The following SYT2 variants were observed in gnomAD, a reference collection of about 807,000 sequenced individuals.
SYT2 encodes the protein synaptotagmin-2.
In SYT2, 15 loss-of-function variants were observed where a neutral mutation model predicts 39.9. The observed-to-expected ratio is 0.38, with a 90% CI of 0.25 to 0.58. The LOEUF (loss-of-function observed/expected upper bound fraction) is 0.58. Among genes scored for constraint, SYT2 ranks in the 20% least tolerant of loss-of-function variants. SYT2 has a pLI of 0.70. For missense variants in SYT2, 389 were observed against 530.3 expected (o/e 0.73, Z 2.62); for synonymous variants, 181 against 204.5 (o/e 0.89, Z 0.98).
chr1:202,635,999 A>G (rs1281708565), intron 1 of SYT2, among the ~76,000 whole-genome samples: 9 of 152,098 alleles, frequency 5.9e-5, no homozygotes, highest in Non-Finnish European at 8.8e-5. Flanking sequence ...TGCACTGTGG[A>G]TAGTCTGGCT....
rs1349497862 is a variant in SYT2, at chr1:202,710,239, G to C, written c.-18+19C>G. The C allele has an allele frequency of 6.6e-6, 1 of 152,488 alleles. No individual in the cohort carries two copies. The highest frequency in any genetic ancestry group is 2.4e-5 in the African/African-American group (1 of 41,598). The allele number at this position is 152,488 out of a possible 1,614,324, so 9.4% of individuals were successfully genotyped here. On this transcript the variant is annotated intron_variant, in intron 1 of 8. Coordinates refer to ENST00000367268, the MANE Select transcript of SYT2 (RefSeq NM_177402.5). ...GGAGAGGGAGGTCCGTGCCCCCACCGGCGGGGGTATGGACTTACCGGAGAG... is the reference window on the plus strand; with the variant it reads ...GGAGAGGGAGGTCCGTGCCCCCACCCGCGGGGGTATGGACTTACCGGAGAG...
At position 202,601,720 on chromosome 1, in the gene SYT2, CAG is replaced by C. The variant is rs1387116780; in HGVS notation, c.801+168_801+169del. Among the ~76,000 whole-genome samples the C allele has an allele frequency of 6.6e-6, 1 of 152,156 alleles. No homozygotes were observed. The highest frequency in any genetic ancestry group is 1.5e-5 in the Non-Finnish European group (1 of 68,030). On this transcript the variant is annotated intron_variant, in intron 6 of 8. Coordinates refer to ENST00000367268, the MANE Select transcript of SYT2 (RefSeq NM_177402.5). This position sits in a 1 kb window ranked among gnomAD's most constrained non-coding sequence, Gnocchi z 4.0. Reference sequence around the variant, plus strand: ...AAGACTAAAGGAGGGAACCCGAGTCCAGAGAGTGTAAGCAACTTGCCCAGGGT... The same window carrying C: ...AAGACTAAAGGAGGGAACCCGAGTCCAGAGTGTAAGCAACTTGCCCAGGGT...
At chr1:202,597,750 A>G (rs1474487800) in intron 8 of SYT2, among the ~76,000 whole-genome samples, 5 of 152,198 alleles carry the variant, frequency 3.3e-5, no homozygotes, top group Admixed American at 2.6e-4. Flanking sequence ...ATGGCAGGGA[A>G]GAGACCCATT....
At chr1:202,617,073 C>G (rs1057393054) in intron 1 of SYT2, among the ~76,000 whole-genome samples, 8 of 152,250 alleles carry the variant, frequency 5.3e-5, no homozygotes, top group African/African-American at 1.9e-4. Context: ...CTCATGCTCT[C>G]CATCCAGCAG....
At chr1:202,635,529 A>AT (rs148651094) in intron 1 of SYT2, among the ~76,000 whole-genome samples, 1,634 of 152,290 alleles carry the variant, frequency 0.011, 26 homozygotes, top group African/African-American at 0.037. Flanking sequence ...CTCACAGTTG[A>AT]TTTTGGGGGT....
chr1:202,672,778 G>GGA (rs758339723), intron 1 of SYT2, among the ~76,000 whole-genome samples: 3 of 25,944 alleles, frequency 1.2e-4, no homozygotes, highest in African/African-American at 2.1e-4. Context: ...AGGGAGGGAG[G>GGA]GAGAGAGAGA....
intron 1 of SYT2, among the ~76,000 whole-genome samples, chr1:202,631,643 G>A (rs1247616716): frequency 6.6e-6 from 1 of 152,150 alleles, no homozygotes; most frequent in Non-Finnish European, 1.5e-5. Context: ...GCCAGAAGAT[G>A]GATGAACCCA....
At chr1:202,683,860 T>C (rs1237367687) in intron 1 of SYT2, among the ~76,000 whole-genome samples, 1 of 152,054 alleles carries the variant, frequency 6.6e-6, no homozygotes, top group Non-Finnish European at 1.5e-5. Flanking sequence ...TCACTAAGGA[T>C]CATTTCCAAC....
At chr1:202,643,384 C>A (rs190689691) in intron 1 of SYT2, 2,091 of 152,964 alleles carry the variant, frequency 0.014, 28 homozygotes, top group East Asian at 0.058. Context: ...CTTCCCACTT[C>A]CCCGCCGGCC....
intron 1 of SYT2, among the ~76,000 whole-genome samples, chr1:202,606,845 A>G (rs1231740124): frequency 6.6e-6 from 1 of 151,768 alleles, no homozygotes; most frequent in Admixed American, 6.6e-5. Context: ...CTATGCTGGT[A>G]TTTTTTCTGA....
chr1:202,661,981 C>G (rs979422256), intron 1 of SYT2, among the ~76,000 whole-genome samples: 1 of 152,206 alleles, frequency 6.6e-6, no homozygotes, highest in African/African-American at 2.4e-5. Flanking sequence ...TGTGGTCACC[C>G]TTGTCCACAA....
At chr1:202,649,976 A>G (rs1692160479) in intron 1 of SYT2, among the ~76,000 whole-genome samples, 2 of 152,304 alleles carry the variant, frequency 1.3e-5, no homozygotes, top group South Asian at 2.1e-4. Context: ...TCCCTGCACA[A>G]AAGTACAGAT....
chr1:202,661,919 T>TCCA (rs1202737188), intron 1 of SYT2, among the ~76,000 whole-genome samples: 4 of 152,128 alleles, frequency 2.6e-5, no homozygotes, highest in Admixed American at 1.3e-4. Context: ...ACTTTGAGAG[T>TCCA]CCACCAGGTA....
intron 1 of SYT2, among the ~76,000 whole-genome samples, chr1:202,702,064 C>T (rs940152157): frequency 1.4e-4 from 22 of 152,172 alleles, no homozygotes; most frequent in Admixed American, 2.0e-4. Context: ...TTGGGGCTCA[C>T]GATCTACTCC....
rs1690685528 is a variant in SYT2 at position 202,605,795 on chromosome 1, G to A, written c.-17-6C>T. 2.5e-6 allele frequency: 4 copies of A among 1,611,856 alleles called. No homozygotes were observed. The highest frequency in any genetic ancestry group is 2.5e-6 in the Non-Finnish European group (3 of 1,178,320). On this transcript the variant is annotated splice_region_variant and splice_polypyrimidine_tract_variant and intron_variant, in intron 1 of 8. Transcript: ENST00000367268. ...CATGGTGGCAGAGGAAACAGCTGGG[G>A]ACGAGAGGTGAAGAGGGCAGGGTGA...
At chr1:202,631,012 G>T (rs1387479416) in intron 1 of SYT2, among the ~76,000 whole-genome samples, 2 of 152,184 alleles carry the variant, frequency 1.3e-5, no homozygotes, top group Non-Finnish European at 2.9e-5. Context: ...CAGCTGCAGG[G>T]CCCAGCCCTG....
intron 4 of SYT2, 36 bp downstream of exon 4, chr1:202,602,963 C>T (rs1411804069): frequency 1.9e-6 from 3 of 1,563,546 alleles, no homozygotes; most frequent in Non-Finnish European, 1.7e-6. Flanking sequence ...GGCCTCTCCC[C>T]ATTCCCCCAC....
rs1355466769 is a variant in SYT2, at chr1:202,628,581, G to A, written c.-17-22792C>T. 3.9e-5 allele frequency among the ~76,000 whole-genome samples: 6 copies of A among 152,198 alleles called. 1 individual carries two copies. The South Asian group carries it at 1.0e-3, about 26-fold the overall frequency. On this transcript the variant is annotated intron_variant, in intron 1 of 8. Coordinates refer to ENST00000367268, the MANE Select transcript of SYT2 (RefSeq NM_177402.5). The surrounding 1 kb of genome is among the most constrained non-coding windows in gnomAD (Gnocchi z 4.2). ...AAAGTGGAGCATGCAAGTCCCGGGG[G>A]CACAATTAGGTGCTCCAAAGAAGCC...
intron 1 of SYT2, among the ~76,000 whole-genome samples, chr1:202,673,542 G>A (rs1653230717): frequency 6.6e-6 from 1 of 152,156 alleles, no homozygotes; most frequent in African/African-American, 2.4e-5. Flanking sequence ...TCTGTGTCAC[G>A]AAGATCGATG....
Sources: allele counts gnomAD v4.1 joint callset (sites outside exome capture counted in the v4.1 genomes callset), GRCh38; gene constraint gnomAD v4.1.1; non-coding constraint Gnocchi (gnomAD v3.1); transcripts MANE v1.5; gene names NCBI Gene and HGNC (gene_info 2026-07-23, HGNC 2026-07-21).